The following FOXP1 variants were observed in gnomAD, a reference collection of about 807,000 sequenced individuals.
FOXP1 encodes forkhead box P1.
A neutral mutation model predicts 98.2 loss-of-function variants in FOXP1; 15 were observed. That is an observed-to-expected ratio of 0.15 (90% CI 0.10 to 0.24). FOXP1 has a LOEUF of 0.24. Among genes scored for constraint, FOXP1 ranks in the 10% least tolerant of loss-of-function variants. The probability of loss-of-function intolerance (pLI) is 1.00; values close to 1 mark genes in which losing one functional copy is unlikely to be tolerated. For synonymous variants in FOXP1, 371 were observed against 314.5 expected (o/e 1.18, Z -1.90); for missense variants, 633 against 848.5 (o/e 0.75, Z 3.15).
intron 3 of FOXP1, among the ~76,000 whole-genome samples, chr3:71,450,738 A>AT (rs2086871328): frequency 6.6e-6 from 1 of 152,046 alleles, no homozygotes; most frequent in Non-Finnish European, 1.5e-5. Context: ...TGAGTTGGTC[A>AT]TTTTTTTAAT....
intron 3 of FOXP1, among the ~76,000 whole-genome samples, chr3:71,377,280 C>T (rs975030090): frequency 6.6e-6 from 1 of 152,078 alleles, no homozygotes; most frequent in African/African-American, 2.4e-5. Flanking sequence ...TGTTTACTCC[C>T]AGAATTAAAT....
chr3:71,169,638 A>G (rs2061552014), intron 6 of FOXP1, among the ~76,000 whole-genome samples: 1 of 137,744 alleles, frequency 7.3e-6, no homozygotes, highest in Non-Finnish European at 1.5e-5. Flanking sequence ...TCTTCATCTT[A>G]TAGTTTATCC....
intron 11 of FOXP1, among the ~76,000 whole-genome samples, chr3:71,025,531 T>C (rs78434814): frequency 0.022 from 3,327 of 152,306 alleles, 123 homozygotes; most frequent in African/African-American, 0.076. Context: ...GGGGTGGCAC[T>C]GGGCAACCTC....
At chr3:71,320,986 AG>A (rs2075354871) in intron 4 of FOXP1, among the ~76,000 whole-genome samples, 1 of 152,214 alleles carries the variant, frequency 6.6e-6, no homozygotes, top group Non-Finnish European at 1.5e-5. Context: ...TTTATGATAC[AG>A]TGCAAAGGAA....
chr3:70,987,478 A>T (rs1407820948), intron 14 of FOXP1, among the ~76,000 whole-genome samples: 1 of 152,180 alleles, frequency 6.6e-6, no homozygotes, highest in Non-Finnish European at 1.5e-5. Context: ...TAACCATTAG[A>T]GCCTCTCCAT....
At chr3:71,516,046 T>G (rs934100028) in intron 2 of FOXP1, among the ~76,000 whole-genome samples, 2 of 152,172 alleles carry the variant, frequency 1.3e-5, no homozygotes, top group Admixed American at 1.3e-4. Context: ...CTAAATACAG[T>G]ACATGATCCT....
intron 6 of FOXP1, among the ~76,000 whole-genome samples, chr3:71,196,938 T>C (rs1456323382): frequency 3.3e-5 from 5 of 152,208 alleles, no homozygotes; most frequent in Non-Finnish European, 7.3e-5. Context: ...TACTTTTCCT[T>C]TCTTTCGCTT....
At chr3:71,365,819 C>T (rs1165447529) in intron 3 of FOXP1, among the ~76,000 whole-genome samples, 4 of 152,142 alleles carry the variant, frequency 2.6e-5, no homozygotes, top group African/African-American at 9.7e-5. Flanking sequence ...CCCATCTCTA[C>T]TAAAAATACA....
chr3:71,426,168 C>G (rs996246275), intron 3 of FOXP1, among the ~76,000 whole-genome samples: 1 of 152,184 alleles, frequency 6.6e-6, no homozygotes, highest in African/African-American at 2.4e-5. Context: ...GCAGGTAGGT[C>G]TGAGGATTGA....
intron 7 of FOXP1, among the ~76,000 whole-genome samples, chr3:71,074,545 C>T (rs1387771070): frequency 6.6e-6 from 1 of 152,060 alleles, no homozygotes; most frequent in Admixed American, 6.6e-5. Context: ...ATTATTTAAT[C>T]AGTATCTTGA....
chr3:71,343,311 C>T (rs552027799), intron 4 of FOXP1, among the ~76,000 whole-genome samples: 3 of 152,242 alleles, frequency 2.0e-5, no homozygotes, highest in Non-Finnish European at 2.9e-5. Flanking sequence ...TATGTGCATA[C>T]ATTGATTTTT....
At chr3:71,331,879 A>T (rs1455184520) in intron 4 of FOXP1, among the ~76,000 whole-genome samples, 1 of 94,310 alleles carries the variant, frequency 1.1e-5, no homozygotes, top group African/African-American at 2.9e-5. Context: ...CTCTGTATCT[A>T]GCTAATCTAG....
rs1292356022 is a variant in FOXP1 at position 71,581,574 on chromosome 3, A to C, written c.-323T>G. 1.0e-6 allele frequency: 1 copy of C among 985,280 alleles called. No individual in the cohort carries two copies. The highest frequency in any genetic ancestry group is 1.2e-6 in the Non-Finnish European group (1 of 829,966). The allele number at this position is 985,280 out of a possible 1,614,324, so 61.0% of individuals were successfully genotyped here. A position where few individuals can be genotyped will look rare whatever the true frequency, so the allele number is the denominator to read the frequency against. On this transcript the variant is annotated 5_prime_UTR_variant, in exon 2 of 21. Coordinates refer to ENST00000649528, the MANE Select transcript of FOXP1 (RefSeq NM_001349338.3). Reference sequence around the variant, plus strand: ...CCGCGGAGTCCGGGGAGGGAGTAGGAGCGCCGCCTTCACGCCCGCGGAGGA... The same window carrying C: ...CCGCGGAGTCCGGGGAGGGAGTAGGCGCGCCGCCTTCACGCCCGCGGAGGA...
intron 14 of FOXP1, among the ~76,000 whole-genome samples, chr3:70,979,383 G>C (rs1288672984): frequency 7.0e-6 from 1 of 143,186 alleles, no homozygotes; most frequent in Non-Finnish European, 1.5e-5. Flanking sequence ...TTAAAGTACT[G>C]TTCTTACAAA....
chr3:71,073,190 T>C (rs891393002), intron 7 of FOXP1, among the ~76,000 whole-genome samples: 1 of 152,236 alleles, frequency 6.6e-6, no homozygotes, highest in Non-Finnish European at 1.5e-5. Context: ...AACACATCTA[T>C]GTAATGTCAC....
At chr3:71,379,994 G>A (rs1262469694) in intron 3 of FOXP1, among the ~76,000 whole-genome samples, 1 of 152,090 alleles carries the variant, frequency 6.6e-6, no homozygotes, top group South Asian at 2.1e-4. Context: ...GGATTGCAGG[G>A]GATATAGAAG....
intron 3 of FOXP1, among the ~76,000 whole-genome samples, chr3:71,441,922 G>C (rs2085979295): frequency 6.6e-6 from 1 of 152,198 alleles, no homozygotes; most frequent in Non-Finnish European, 1.5e-5. Flanking sequence ...TTTTATAAAG[G>C]TTACTGTCAT....
intron 11 of FOXP1, among the ~76,000 whole-genome samples, chr3:71,039,711 C>T (rs1333169458): frequency 6.7e-6 from 1 of 149,374 alleles, no homozygotes; most frequent in Non-Finnish European, 1.5e-5. Flanking sequence ...CAAAGGACAA[C>T]AGCCTAGAAC....
intron 20 of FOXP1, among the ~76,000 whole-genome samples, chr3:70,965,190 TTA>T (rs941643589): frequency 7.2e-5 from 11 of 152,264 alleles, no homozygotes; most frequent in African/African-American, 2.4e-4. Flanking sequence ...AGAGAGGGTG[TTA>T]TAGTTACACC....
Sources: gnomAD v4.1 joint callset for allele counts (sites outside exome capture counted in the v4.1 genomes callset) on GRCh38, gnomAD v4.1.1 for gene constraint, MANE v1.5 for transcripts, NCBI Gene and HGNC (gene_info 2026-07-23, HGNC 2026-07-21) for gene names.